NSD3: variants seen among roughly 807,000 people sequenced by gnomAD.
NSD3 encodes the protein histone-lysine N-methyltransferase NSD3.
NSD3 carries 24 observed loss-of-function variants against 160.8 expected under a neutral mutation model. The ratio of observed to expected loss-of-function variants is 0.15; its 90% CI spans 0.11 to 0.21. The LOEUF is 0.21. Ranked by LOEUF, NSD3 falls within the 10% of genes least tolerant of loss-of-function variation. NSD3 has a pLI of 1.00. For missense variants in NSD3, 1,157 were observed against 1,735.9 expected (o/e 0.67, Z 5.93); for synonymous variants, 520 against 600.0 (o/e 0.87, Z 1.95).
chr8:38,355,811 C>A (rs995009532), intron 1 of NSD3, among the ~76,000 whole-genome samples: 2 of 152,162 alleles, frequency 1.3e-5, no homozygotes, highest in Non-Finnish European at 2.9e-5. Flanking sequence ...AAACATTTTA[C>A]ATTTGTTATA....
intron 5 of NSD3, among the ~76,000 whole-genome samples, chr8:38,331,118 A>G (rs1054182104): frequency 7.9e-5 from 12 of 152,246 alleles, no homozygotes; most frequent in Non-Finnish European, 1.2e-4. Flanking sequence ...AAAAAAGAGT[A>G]AAAATCCCTG....
chr8:38,324,538 T>C (rs1809862209), intron 7 of NSD3, among the ~76,000 whole-genome samples: 1 of 152,230 alleles, frequency 6.6e-6, no homozygotes, highest in Non-Finnish European at 1.5e-5. Context: ...CTTCAGGTCT[T>C]AAGACTTTGA....
rs775583861 is a variant in NSD3, at chr8:38,338,637, A to G, written c.676-30T>C. 1.9e-6 allele frequency: 3 copies of G among 1,547,710 alleles called. No homozygotes were observed. The South Asian group carries it at 3.4e-5, about 17-fold the overall frequency. On this transcript the variant is annotated intron_variant, in intron 2 of 23. Coordinates refer to ENST00000317025, the MANE Select transcript of NSD3 (RefSeq NM_023034.2). ...GTGAAAAGGTATAGGTAAGTAGAAT[A>G]AAATGGCATTAAATAAACAAACAAA...
At chr8:38,289,657 G>A (rs1808952245) in intron 17 of NSD3, 152 bp from the exon 18 acceptor site, 2 of 685,580 alleles carry the variant, frequency 2.9e-6, no homozygotes, top group Non-Finnish European at 4.9e-6. Flanking sequence ...TTACCACCAG[G>A]ATGGGGTAAC....
Position 38,338,330 on chromosome 8 carries a change from C to G in NSD3, c.747+206G>C, listed in dbSNP as rs1263438991. ...GAAAAAAAAAAAAAATACACATGAT[C>G]AATTGAAAAAAAAACAGGTCATAGT... On this transcript the variant is annotated intron_variant, in intron 3 of 23. Coordinates refer to ENST00000317025, the MANE Select transcript of NSD3 (RefSeq NM_023034.2). Among the ~76,000 whole-genome samples, 4 of 149,342 alleles carry G rather than the reference C, an allele frequency of 2.7e-5. No individual in the cohort carries two copies. In the East Asian group the frequency reaches 5.9e-4, roughly 22 times the overall value.
chr8:38,358,206 T>C (rs1206003455), intron 1 of NSD3, among the ~76,000 whole-genome samples: 1 of 152,170 alleles, frequency 6.6e-6, no homozygotes, highest in Non-Finnish European at 1.5e-5. Flanking sequence ...TTTTCCAAAG[T>C]TGTTCTAGTA....
chr8:38,347,526 T>C lies in NSD3; in HGVS notation c.646A>G (p.Ile216Val), dbSNP rs1810565106. The change falls in exon 2 of 24, where the codon ATC (isoleucine) becomes GTC (valine). Residue 216 changes from isoleucine (I) to valine (V), a missense_variant. Ile to Val is a conservative substitution (Grantham distance 29). Coordinates refer to ENST00000317025, the MANE Select transcript of NSD3 (RefSeq NM_023034.2). The part of the protein sequence containing the change: ...SRSEERKSHK[I>V]PKLEPEEQNR... ...TGTTCCTCTGGTTCTAATTTGGGGA[T>C]TTTGTGTGACTTGCGCTCTTCAGAT... 1.3e-6 allele frequency: 2 copies of C among 1,583,706 alleles called. No homozygotes were observed. Among genetic ancestry groups the C allele is most frequent in the Non-Finnish European group, 1.7e-6 (2 of 1,168,768 alleles).
At chr8:38,324,545 T>C (rs1307026495) in intron 7 of NSD3, among the ~76,000 whole-genome samples, 3 of 152,220 alleles carry the variant, frequency 2.0e-5, no homozygotes, top group Admixed American at 1.3e-4. Context: ...TCTTAAGACT[T>C]TGATCCATCC....
At chr8:38,314,274 TATA>T (rs1347128140) in intron 12 of NSD3, among the ~76,000 whole-genome samples, 6 of 152,188 alleles carry the variant, frequency 3.9e-5, no homozygotes, top group Admixed American at 6.5e-5. Context: ...CCACTAGAAA[TATA>T]ATCACTGTAG....
At chr8:38,342,104 C>T (rs958098045) in intron 2 of NSD3, among the ~76,000 whole-genome samples, 2 of 152,092 alleles carry the variant, frequency 1.3e-5, no homozygotes, top group Admixed American at 6.5e-5. Context: ...TTTACACAGT[C>T]ATTTTAAAAG....
At chr8:38,354,856 A>AG (rs1810785465) in intron 1 of NSD3, among the ~76,000 whole-genome samples, 1 of 152,220 alleles carries the variant, frequency 6.6e-6, no homozygotes, top group African/African-American at 2.4e-5. Flanking sequence ...AACAAGCTAA[A>AG]GGGGCCACAT....
intron 17 of NSD3, among the ~76,000 whole-genome samples, chr8:38,289,885 T>G (rs993993858): frequency 5.3e-5 from 8 of 152,192 alleles, no homozygotes; most frequent in African/African-American, 1.7e-4. Context: ...AAGTCTTTAC[T>G]ACTCTTCTGT....
At position 38,342,195 on chromosome 8, in the gene NSD3, G is replaced by T. The variant is rs10216534; in HGVS notation, c.676-3588C>A. ...GACTATATAAGTAAGAGAAGAAAAAGAATTCAAGTAAGGATGCTGCAATAA... is the reference window on the plus strand; with the variant it reads ...GACTATATAAGTAAGAGAAGAAAAATAATTCAAGTAAGGATGCTGCAATAA... On this transcript the variant is annotated intron_variant, in intron 2 of 23. Coordinates refer to ENST00000317025, the MANE Select transcript of NSD3 (RefSeq NM_023034.2). Among the ~76,000 whole-genome samples the T allele has an allele frequency of 6.1e-3, 924 of 152,252 alleles. 8 individuals carry two copies. The highest frequency in any genetic ancestry group is 0.02 in the African/African-American group (834 of 41,554).
At chr8:38,354,808 A>G (rs1810783817) in intron 1 of NSD3, among the ~76,000 whole-genome samples, 1 of 152,194 alleles carries the variant, frequency 6.6e-6, no homozygotes, top group African/African-American at 2.4e-5. Flanking sequence ...CTAAAGTGGT[A>G]TAAGCCTCCA....
chr8:38,320,260 C>T (rs1037656187), intron 8 of NSD3: 1 of 152,020 alleles, frequency 6.6e-6, no homozygotes, highest in African/African-American at 2.4e-5. Context: ...TCACATTCTT[C>T]CATATAAATG....
intron 22 of NSD3, among the ~76,000 whole-genome samples, 182 bp downstream of exon 22, chr8:38,278,124 G>C (rs966234365): frequency 1.3e-5 from 2 of 152,020 alleles, no homozygotes. Context: ...ATTTTTAGTA[G>C]AGATGGGGTT....
At chr8:38,331,728 AC>A in intron 4 of NSD3, 143 bp from the exon 5 acceptor site, 1 of 774,976 alleles carries the variant, frequency 1.3e-6, no homozygotes, top group Non-Finnish European at 2.0e-6. Flanking sequence ...ATGTTCCAAT[AC>A]CCACCAGTTA....
intron 12 of NSD3, among the ~76,000 whole-genome samples, chr8:38,310,931 C>A (rs903309767): frequency 1.3e-5 from 2 of 152,030 alleles, no homozygotes; most frequent in African/African-American, 4.8e-5. Flanking sequence ...CATTTTATAT[C>A]CCCACCAACA....
chr8:38,290,738 C>G (rs1479700491), intron 16 of NSD3, 61 bp from the exon 17 acceptor site: 1 of 1,562,714 alleles, frequency 6.4e-7, no homozygotes. Context: ...CCACTATTTA[C>G]AAGATTGGCA....
Sources: gnomAD v4.1 joint callset for allele counts (sites outside exome capture counted in the v4.1 genomes callset) on GRCh38, gnomAD v4.1.1 for gene constraint, MANE v1.5 for transcripts, NCBI Gene and HGNC (gene_info 2026-07-23, HGNC 2026-07-21) for gene names.